Variants in CALN1 observed in about 807,000 individuals in gnomAD.
CALN1 encodes calcium-binding protein 8.
A neutral mutation model predicts 30.6 loss-of-function variants in CALN1; 17 were observed. That is an observed-to-expected ratio of 0.56 (90% CI 0.38 to 0.83). The LOEUF is 0.83. Among genes scored for constraint, CALN1 ranks in the 40% least tolerant of loss-of-function variants. CALN1 has a pLI of 0.00. For missense variants in CALN1, 291 were observed against 354.9 expected (o/e 0.82, Z 1.45); for synonymous variants, 156 against 131.4 (o/e 1.19, Z -1.28).
intron 2 of CALN1, among the ~76,000 whole-genome samples, chr7:72,374,508 G>C (rs1562930642): frequency 6.8e-6 from 1 of 146,030 alleles, no homozygotes; most frequent in Non-Finnish European, 1.5e-5. Context: ...TCCAGTCTGG[G>C]TGACAGAGAG....
Position 72,240,208 on chromosome 7 carries a change from A to T in CALN1, c.244+38478T>A, listed in dbSNP as rs201009521. On this transcript the variant is annotated intron_variant, in intron 3 of 6. Coordinates refer to ENST00000395275, the MANE Select transcript of CALN1 (RefSeq NM_031468.4). ...GGGAAATTTCTTTTTTTTTTTTTTT[A>T]AATAAAGATGGGGTCTTGCTTTGTA... Among the ~76,000 whole-genome samples, 717 of 139,360 alleles carry T rather than the reference A, an allele frequency of 5.1e-3. 3 individuals carry two copies. Among genetic ancestry groups the T allele is most frequent in the Non-Finnish European group, 8.7e-3 (568 of 65,636 alleles). 91.4% of individuals were successfully genotyped at this position (139,360 alleles called of 152,430 possible).
At chr7:71,942,446 A>G (rs2903616) in intron 5 of CALN1, 109,685 of 167,964 alleles carry the variant, frequency 0.65, 36,265 homozygotes, top group East Asian at 0.85. Context: ...GAGTCAGAGC[A>G]AGAGGCCTGG....
intron 3 of CALN1, among the ~76,000 whole-genome samples, chr7:72,201,899 C>T (rs895881995): frequency 2.0e-5 from 3 of 152,198 alleles, no homozygotes; most frequent in African/African-American, 7.2e-5. Flanking sequence ...GAGCAACCCA[C>T]ACTCCCTATC....
At chr7:71,985,104 C>A (rs980444143) in intron 5 of CALN1, among the ~76,000 whole-genome samples, 1 of 151,988 alleles carries the variant, frequency 6.6e-6, no homozygotes, top group African/African-American at 2.4e-5. Context: ...AAAGACACAC[C>A]ACCAAATTGA....
chr7:72,368,458 T>C (rs1421522037), intron 2 of CALN1, among the ~76,000 whole-genome samples: 3 of 152,134 alleles, frequency 2.0e-5, no homozygotes, highest in South Asian at 2.1e-4. Flanking sequence ...TGGCTTCTTT[T>C]TGTGTGTATC....
chr7:71,898,444 T>C (rs749540496), intron 5 of CALN1, among the ~76,000 whole-genome samples: 29 of 152,106 alleles, frequency 1.9e-4, no homozygotes, highest in Non-Finnish European at 3.2e-4. Flanking sequence ...TAGGTCAAAA[T>C]GAATACTCCT....
chr7:72,501,844 A>G, the CALN1 span, among the ~76,000 whole-genome samples: 4 of 143,478 alleles, frequency 2.8e-5, no homozygotes, highest in African/African-American at 1.0e-4. Context: ...AGGAGGTGGA[A>G]GTTGCAGTGA....
intron 2 of CALN1, among the ~76,000 whole-genome samples, chr7:72,368,809 CTTTTTTT>C (rs57192078): frequency 7.1e-4 from 72 of 101,508 alleles, no homozygotes; most frequent in Non-Finnish European, 7.8e-4. Context: ...GTTTGAAACC[CTTTTTTT>C]TTTTTTTTTT....
At chr7:71,884,116 T>C (rs1792750905) in intron 5 of CALN1, among the ~76,000 whole-genome samples, 1 of 152,174 alleles carries the variant, frequency 6.6e-6, no homozygotes, top group Admixed American at 6.5e-5. Flanking sequence ...GGTTTCACCA[T>C]GTTGGCCAGG....
chr7:72,241,654 C>A (rs1489726705), intron 3 of CALN1, among the ~76,000 whole-genome samples: 1 of 151,578 alleles, frequency 6.6e-6, no homozygotes, highest in African/African-American at 2.4e-5. Flanking sequence ...TGCAGTGAGC[C>A]AAGATCACGC....
chr7:71,882,392 T>C (rs570333390), intron 5 of CALN1, among the ~76,000 whole-genome samples: 1 of 152,292 alleles, frequency 6.6e-6, no homozygotes, highest in Admixed American at 6.5e-5. Flanking sequence ...TTTAATCACA[T>C]CGGCAAATTT....
intron 2 of CALN1, among the ~76,000 whole-genome samples, chr7:72,399,943 C>A (rs754177117): frequency 1.3e-5 from 2 of 152,208 alleles, no homozygotes; most frequent in Non-Finnish European, 2.9e-5. Context: ...TGGCATCTCT[C>A]TTGTTCCCTC....
intron 5 of CALN1, among the ~76,000 whole-genome samples, chr7:71,949,259 A>G (rs964299540): frequency 5.3e-5 from 8 of 152,150 alleles, no homozygotes; most frequent in African/African-American, 1.9e-4. Context: ...GAAACACTTC[A>G]GCTATGACAG....
chr7:72,449,339 G>C (rs1808610115), upstream of CALN1, among the ~76,000 whole-genome samples: 1 of 152,298 alleles, frequency 6.6e-6, no homozygotes, highest in African/African-American at 2.4e-5. Context: ...AAGGACCTCA[G>C]AGTCCGTGAG....
At chr7:72,192,743 G>A (rs1243034626) in intron 3 of CALN1, among the ~76,000 whole-genome samples, 1 of 150,656 alleles carries the variant, frequency 6.6e-6, no homozygotes, top group Admixed American at 6.6e-5. Flanking sequence ...ATGCTGGTGC[G>A]CTGCACCCAC....
chr7:71,926,319 C>T (rs1036891234), intron 5 of CALN1, among the ~76,000 whole-genome samples: 5 of 152,192 alleles, frequency 3.3e-5, no homozygotes, highest in African/African-American at 1.2e-4. Flanking sequence ...CATACTGCTT[C>T]ACAGCCAGCA....
intron 5 of CALN1, among the ~76,000 whole-genome samples, chr7:71,972,720 G>A (rs764601162): frequency 4.6e-5 from 7 of 152,134 alleles, no homozygotes; most frequent in African/African-American, 9.7e-5. Flanking sequence ...AGCTTCGTGC[G>A]TGCTTCATTC....
chr7:71,984,556 C>A (rs758364695), intron 5 of CALN1, among the ~76,000 whole-genome samples: 1 of 152,138 alleles, frequency 6.6e-6, no homozygotes, highest in African/African-American at 2.4e-5. Context: ...GTTCCAGCCT[C>A]CAGTGACTCA....
chr7:71,828,921 G>A (rs1461728321), intron 5 of CALN1, among the ~76,000 whole-genome samples: 5 of 151,832 alleles, frequency 3.3e-5, no homozygotes, highest in African/African-American at 1.2e-4. Context: ...GCTAATTTTT[G>A]TATTTTTAGT....
Sources: allele counts gnomAD v4.1 joint callset (sites outside exome capture counted in the v4.1 genomes callset), GRCh38; gene constraint gnomAD v4.1.1; transcripts MANE v1.5; gene names NCBI Gene and HGNC (gene_info 2026-07-23, HGNC 2026-07-21).